The following GALNT13 variants were observed in gnomAD, a reference collection of about 807,000 sequenced individuals.
GALNT13 encodes polypeptide N-acetylgalactosaminyltransferase 13.
Under a neutral mutation model 64.2 loss-of-function variants are expected in GALNT13, and 28 were observed. The ratio of observed to expected loss-of-function variants is 0.44; its 90% CI spans 0.32 to 0.60. The LOEUF (loss-of-function observed/expected upper bound fraction) is 0.60, where lower values mean the gene tolerates loss of function less well. Ranked by LOEUF, GALNT13 falls within the 20% of genes least tolerant of loss-of-function variation. GALNT13 has a pLI of 0.05. For missense variants in GALNT13, 577 were observed against 669.8 expected, an observed-to-expected ratio of 0.86 and a Z score of 1.53; for synonymous variants, 214 against 224.6, an observed-to-expected ratio of 0.95 and a Z score of 0.42.
intron 1 of GALNT13, among the ~76,000 whole-genome samples, chr2:153,886,001 G>C (rs1687149080): frequency 6.6e-6 from 1 of 151,982 alleles, no homozygotes; most frequent in Non-Finnish European, 1.5e-5. Context: ...TAGAAATGGA[G>C]AGAGAGACAG....
At chr2:154,082,237 A>G (rs1383824640) in intron 3 of GALNT13, among the ~76,000 whole-genome samples, 1 of 151,666 alleles carries the variant, frequency 6.6e-6, no homozygotes, top group East Asian at 1.9e-4. Flanking sequence ...GGGTCAGAAA[A>G]CAAAGATACA....
chr2:154,123,736 T>TAA (rs1281794396), intron 3 of GALNT13, among the ~76,000 whole-genome samples: 1 of 151,898 alleles, frequency 6.6e-6, no homozygotes, highest in Non-Finnish European at 1.5e-5. Flanking sequence ...AGATGACTCT[T>TAA]AAAAAACACT....
chr2:153,673,136 T>G, the GALNT13 span, among the ~76,000 whole-genome samples: 3 of 152,098 alleles, frequency 2.0e-5, no homozygotes, highest in Non-Finnish European at 4.4e-5. Flanking sequence ...GATACAAAGA[T>G]GAGCTGGTAC....
At chr2:153,186,126 A>T in the GALNT13 span, among the ~76,000 whole-genome samples, 2 of 152,056 alleles carry the variant, frequency 1.3e-5, no homozygotes, top group Non-Finnish European at 2.9e-5. Flanking sequence ...AATTTCCTTT[A>T]TGAATCTTGG....
chr2:153,615,783 T>C, the GALNT13 span, among the ~76,000 whole-genome samples: 1 of 152,048 alleles, frequency 6.6e-6, no homozygotes, highest in East Asian at 1.9e-4. Flanking sequence ...AAAATCAGAT[T>C]ATTAGATTTT....
At chr2:154,304,448 AAG>A (rs1311270694) in intron 9 of GALNT13, among the ~76,000 whole-genome samples, 2 of 152,204 alleles carry the variant, frequency 1.3e-5, no homozygotes, top group Admixed American at 1.3e-4. Context: ...TGGAGGAAAA[AAG>A]TGTGTTATGT....
the GALNT13 span, among the ~76,000 whole-genome samples, chr2:153,861,009 T>A: frequency 3.3e-4 from 51 of 152,318 alleles, 1 homozygote; most frequent in East Asian, 8.9e-3. Flanking sequence ...GTGATATGTA[T>A]CTAAAGAGTT....
chr2:154,214,205 T>G (rs1272213480), intron 4 of GALNT13, among the ~76,000 whole-genome samples: 1 of 152,166 alleles, frequency 6.6e-6, no homozygotes, highest in Non-Finnish European at 1.5e-5. Context: ...AGTCAATCCT[T>G]TCCTCTTTCT....
chr2:153,591,745 G>C, the GALNT13 span, among the ~76,000 whole-genome samples: 106 of 151,884 alleles, frequency 7.0e-4, no homozygotes, highest in Non-Finnish European at 1.2e-3. Context: ...GTAAACACAG[G>C]GAAAACTCTT....
At chr2:154,264,018 T>C (rs1690844593) in intron 8 of GALNT13, among the ~76,000 whole-genome samples, 1 of 152,166 alleles carries the variant, frequency 6.6e-6, no homozygotes, top group African/African-American at 2.4e-5. Flanking sequence ...ACAGACTCCA[T>C]GACTTGAGGA....
chr2:154,387,832 A>G (rs1698589880), intron 9 of GALNT13, among the ~76,000 whole-genome samples: 1 of 152,114 alleles, frequency 6.6e-6, no homozygotes, highest in African/African-American at 2.4e-5. Flanking sequence ...GTTGATATAC[A>G]TTTAGGTTGA....
At chr2:153,802,440 G>T in the GALNT13 span, among the ~76,000 whole-genome samples, 41 of 152,162 alleles carry the variant, frequency 2.7e-4, no homozygotes, top group Admixed American at 5.2e-4. Flanking sequence ...CATAGGAGAT[G>T]AATGATTTCA....
At chr2:153,357,771 T>G in the GALNT13 span, among the ~76,000 whole-genome samples, 2 of 152,362 alleles carry the variant, frequency 1.3e-5, no homozygotes, top group Admixed American at 1.3e-4. Flanking sequence ...ATTGTATATT[T>G]GTAAGCGTAT....
rs369395789 is a variant in GALNT13 at position 154,059,159 on chromosome 2, T to C, written c.143-81178T>C. ...CTGAAAAACTGCGGTTACCGCAAAC[T>C]GAATGAAGGAAAATATTTGTCTCCG... On this transcript the variant is annotated intron_variant, in intron 3 of 12. Transcript: ENST00000392825. 2.6e-4 allele frequency among the ~76,000 whole-genome samples: 40 copies of C among 152,358 alleles called. No homozygotes were observed. In the East Asian group the frequency reaches 6.6e-3, roughly 25 times the overall value.
intron 10 of GALNT13, among the ~76,000 whole-genome samples, chr2:154,403,675 T>C (rs1177169942): frequency 1.3e-5 from 2 of 152,136 alleles, no homozygotes; most frequent in Admixed American, 6.5e-5. Context: ...TACTTTGTTT[T>C]TAGGCTTTTT....
rs540256809 is a variant in GALNT13, at chr2:154,319,614, G to A, written c.1156+18025G>A. The stretch of plus-strand genomic sequence containing the variant: ...CAGGAGGCAGAAGTCGCAGTGAGCC[G>A]AGATCACACCACTGCACTCCAGCCT... On this transcript the variant is annotated intron_variant, in intron 9 of 12. Transcript: ENST00000392825. 3.3e-3 allele frequency among the ~76,000 whole-genome samples: 498 copies of A among 149,144 alleles called. 2 individuals carry two copies. Among genetic ancestry groups the A allele is most frequent in the Non-Finnish European group, 5.5e-3 (371 of 67,310 alleles).
chr2:153,750,043 A>C, the GALNT13 span, among the ~76,000 whole-genome samples: 1 of 151,824 alleles, frequency 6.6e-6, no homozygotes, highest in Non-Finnish European at 1.5e-5. Flanking sequence ...CATGAAAGGA[A>C]GTTGAATTTT....
At chr2:153,874,766 G>T (rs1395042378) in intron 1 of GALNT13, among the ~76,000 whole-genome samples, 1 of 152,074 alleles carries the variant, frequency 6.6e-6, no homozygotes, top group Admixed American at 6.5e-5. Flanking sequence ...AAGGGATATT[G>T]AAACAGGGGT....
the GALNT13 span, among the ~76,000 whole-genome samples, chr2:153,438,321 G>A: frequency 2.6e-5 from 4 of 152,028 alleles, no homozygotes; most frequent in South Asian, 2.1e-4. Flanking sequence ...TGCTCTTCTC[G>A]AGGATTATCT....
Sources: allele counts gnomAD v4.1 joint callset (sites outside exome capture counted in the v4.1 genomes callset), GRCh38; gene constraint gnomAD v4.1.1; transcripts MANE v1.5; gene names NCBI Gene and HGNC (gene_info 2026-07-23, HGNC 2026-07-21).